The following ANO1 variants were observed in gnomAD, a reference collection of about 807,000 sequenced individuals.
The protein encoded by ANO1 is anoctamin 1.
Under a neutral mutation model 124.0 loss-of-function variants are expected in ANO1, and 59 were observed. The ratio of observed to expected loss-of-function variants is 0.48; its 90% CI spans 0.39 to 0.59. The LOEUF (loss-of-function observed/expected upper bound fraction) is 0.59. ANO1 is among the 20% of genes least tolerant of loss of function. ANO1 has a pLI of 0.00. For synonymous variants in ANO1, 529 were observed against 532.0 expected, an observed-to-expected ratio of 0.99 and a Z score of 0.08; for missense variants, 1,059 against 1,328.0, an observed-to-expected ratio of 0.80 and a Z score of 3.15.
intron 5 of ANO1, among the ~76,000 whole-genome samples, chr11:70,107,368 G>A (rs1187674284): frequency 1.3e-5 from 2 of 152,028 alleles, no homozygotes; most frequent in African/African-American, 4.8e-5. Flanking sequence ...ATCTGAAGGG[G>A]ACAAGTGCTT....
chr11:70,071,359 A>G (rs1384919641), intron 1 of ANO1, among the ~76,000 whole-genome samples: 1 of 152,216 alleles, frequency 6.6e-6, no homozygotes, highest in Non-Finnish European at 1.5e-5. Flanking sequence ...CTATCAACCT[A>G]TTTCATGTCA....
rs1565270911 is a variant in ANO1, at chr11:70,167,390, G to A, written c.2197+3G>A. On this transcript the variant is annotated splice_donor_region_variant and intron_variant, in intron 21 of 25. Coordinates refer to ENST00000355303, the MANE Select transcript of ANO1 (RefSeq NM_018043.7). Reference sequence around the variant, plus strand: ...CACCCCAGAGTACATGGAAATGAGTGAGTGATGGCCGGGGCAGGCAGGTGA... The same window carrying A: ...CACCCCAGAGTACATGGAAATGAGTAAGTGATGGCCGGGGCAGGCAGGTGA... 6.2e-7 allele frequency: 1 copy of A among 1,609,884 alleles called. No homozygotes were observed. Among genetic ancestry groups the A allele is most frequent in the Non-Finnish European group, 8.5e-7 (1 of 1,177,940 alleles).
chr11:70,086,248 C>A (rs941234526), intron 1 of ANO1, among the ~76,000 whole-genome samples: 1 of 152,162 alleles, frequency 6.6e-6, no homozygotes, highest in Non-Finnish European at 1.5e-5. Flanking sequence ...TTTATTTTTT[C>A]TTATTTCGGA....
intron 24 of ANO1, among the ~76,000 whole-genome samples, chr11:70,183,537 G>A (rs1313787697): frequency 6.6e-6 from 1 of 152,208 alleles, no homozygotes; most frequent in South Asian, 2.1e-4. Context: ...GGAAAACTGG[G>A]GTGCTATGAC....
chr11:70,056,020 A>G (rs750693967), intron 1 of ANO1, among the ~76,000 whole-genome samples: 8 of 152,108 alleles, frequency 5.3e-5, no homozygotes, highest in Non-Finnish European at 1.2e-4. Context: ...AATATTACTT[A>G]CATTTAATCC....
At chr11:70,121,130 G>A (rs1014169373) in intron 8 of ANO1, among the ~76,000 whole-genome samples, 2 of 152,024 alleles carry the variant, frequency 1.3e-5, no homozygotes, top group Non-Finnish European at 2.9e-5. Context: ...CTCCTCCCCC[G>A]GTGCAGAGCT....
At chr11:70,179,023 T>C (rs2048837040) in intron 22 of ANO1, among the ~76,000 whole-genome samples, 1 of 152,226 alleles carries the variant, frequency 6.6e-6, no homozygotes, top group African/African-American at 2.4e-5. Context: ...CTTGCTGCCT[T>C]TGCAGACCAC....
At chr11:69,986,496 C>T (rs1469183595) in intron 1 of ANO1, among the ~76,000 whole-genome samples, 3 of 152,122 alleles carry the variant, frequency 2.0e-5, no homozygotes, top group Non-Finnish European at 4.4e-5. Flanking sequence ...CTAGGCCGGC[C>T]CAGGCTGTTC....
At chr11:70,187,535 GAGAAAGT>G (rs1244967634) in intron 25 of ANO1, among the ~76,000 whole-genome samples, 196 bp from the exon 26 acceptor site, 1 of 152,140 alleles carries the variant, frequency 6.6e-6, no homozygotes, top group Non-Finnish European at 1.5e-5. Flanking sequence ...AGATTTGTTC[GAGAAAGT>G]CGGCCAACAT....
chr11:70,144,531 A>G (rs778469225), intron 11 of ANO1, among the ~76,000 whole-genome samples: 1 of 152,226 alleles, frequency 6.6e-6, no homozygotes, highest in Non-Finnish European at 1.5e-5. Context: ...TCTTTCGCTC[A>G]ACTGCTGCCT....
intron 20 of ANO1, among the ~76,000 whole-genome samples, chr11:70,166,321 AAAAT>A (rs1565269627): frequency 1.3e-5 from 2 of 152,206 alleles, no homozygotes; most frequent in South Asian, 2.1e-4. Flanking sequence ...CCGTCTCAAA[AAAAT>A]AAATAAATAA....
chr11:70,104,348 A>G (rs2045403611), intron 4 of ANO1, among the ~76,000 whole-genome samples, 198 bp downstream of exon 4: 1 of 152,164 alleles, frequency 6.6e-6, no homozygotes, highest in African/African-American at 2.4e-5. Flanking sequence ...AGGGGGACAC[A>G]GCATCTTGTT....
chr11:70,141,679 G>A (rs1383903757), intron 11 of ANO1: 2 of 152,182 alleles, frequency 1.3e-5, no homozygotes, highest in South Asian at 4.1e-4. Flanking sequence ...CCCCCATCCC[G>A]GGCCCTTTTC....
At chr11:70,156,057 T>C (rs2047804068) in intron 15 of ANO1, 69 bp downstream of exon 15, 1 of 1,370,654 alleles carries the variant, frequency 7.3e-7, no homozygotes, top group Non-Finnish European at 9.7e-7. Flanking sequence ...ATTGTGTTTT[T>C]CCTCAACAAA....
At position 70,174,160 on chromosome 11, in the gene ANO1, G is replaced by A. The variant is rs559870661; in HGVS notation, c.2350+3121G>A. 5.3e-5 allele frequency among the ~76,000 whole-genome samples: 8 copies of A among 151,430 alleles called. No homozygotes were observed. In the South Asian group the frequency reaches 1.3e-3, roughly 24 times the overall value. On this transcript the variant is annotated intron_variant, in intron 22 of 25. Coordinates refer to ENST00000355303, the MANE Select transcript of ANO1 (RefSeq NM_018043.7). The stretch of plus-strand genomic sequence containing the variant: ...TCACCATGTTAGCCAGGATGGTCTC[G>A]ATCTCCTGACCTCATGATCCACCCA...
intron 2 of ANO1, among the ~76,000 whole-genome samples, chr11:70,092,394 G>A (rs1242036819): frequency 6.6e-6 from 1 of 152,172 alleles, no homozygotes; most frequent in Non-Finnish European, 1.5e-5. Flanking sequence ...GGTAATCCTG[G>A]AGTTGGCTGC....
chr11:70,043,203 A>G (rs1438747861), intron 1 of ANO1, among the ~76,000 whole-genome samples: 5 of 152,238 alleles, frequency 3.3e-5, no homozygotes, highest in Admixed American at 1.3e-4. Context: ...AAAACTACAC[A>G]GAATGGGAGT....
intron 2 of ANO1, among the ~76,000 whole-genome samples, chr11:70,101,585 CAAAAAAAAA>C (rs71463659): frequency 5.3e-5 from 4 of 75,896 alleles, no homozygotes; most frequent in Admixed American, 4.5e-4. Flanking sequence ...GATTAAAAAC[CAAAAAAAAA>C]AAAAAAAAAA....
At chr11:70,173,770 G>A (rs996529744) in intron 22 of ANO1, among the ~76,000 whole-genome samples, 1 of 152,144 alleles carries the variant, frequency 6.6e-6, no homozygotes, top group African/African-American at 2.4e-5. Flanking sequence ...AAAGGCCAGG[G>A]CCGGGCGCAG....
Sources: allele counts gnomAD v4.1 joint callset (sites outside exome capture counted in the v4.1 genomes callset), GRCh38; gene constraint gnomAD v4.1.1; transcripts MANE v1.5; gene names NCBI Gene and HGNC (gene_info 2026-07-23, HGNC 2026-07-21).